Variants in TMEM123 observed in about 807,000 individuals in gnomAD.
TMEM123 encodes the protein transmembrane protein 123.
TMEM123 carries 16 observed loss-of-function variants against 19.7 expected under a neutral mutation model. The observed-to-expected ratio is 0.81, with a 90% confidence interval of 0.55 to 1.23. The LOEUF (loss-of-function observed/expected upper bound fraction) is 1.23. Ranked by LOEUF, TMEM123 falls within the 50% of genes most tolerant of loss-of-function variation. The pLI, the probability that TMEM123 is intolerant of heterozygous loss-of-function variation, is 0.00. For missense variants in TMEM123, 313 were observed against 257.8 expected (o/e 1.21, Z -1.47); for synonymous variants, 118 against 99.4 (o/e 1.19, Z -1.12).
intron 2 of TMEM123, among the ~76,000 whole-genome samples, chr11:102,435,170 T>A (rs1397244920): frequency 6.6e-6 from 1 of 151,924 alleles, no homozygotes; most frequent in African/African-American, 2.4e-5. Flanking sequence ...CAAGATTCCA[T>A]CTCTATAAAA....
rs1029775820 is a variant in TMEM123, at chr11:102,401,416, G to A, written c.602+123C>T. The stretch of plus-strand genomic sequence containing the variant: ...TACTTTGGGCCAAAAGGGTTAATGG[G>A]AATATAACTCATAAATCTATCAATT... On this transcript the variant is annotated intron_variant, in intron 4 of 4. Transcript: ENST00000398136. 3.8e-4 allele frequency: 341 copies of A among 901,258 alleles called. 3 individuals carry two copies. Among genetic ancestry groups the A allele is most frequent in the Non-Finnish European group, 5.0e-4 (319 of 636,710 alleles). 55.8% of individuals were successfully genotyped at this position (901,258 alleles called of 1,614,324 possible). A position where few individuals can be genotyped will look rare whatever the true frequency, so the allele number is the denominator to read the frequency against.
chr11:102,447,314 T>C (rs2135866987), intron 2 of TMEM123, among the ~76,000 whole-genome samples: 1 of 152,268 alleles, frequency 6.6e-6, no homozygotes, highest in Non-Finnish European at 1.5e-5. Context: ...CTTCAGACAG[T>C]GTGATAAAGA....
chr11:102,420,701 T>C (rs933650045), intron 2 of TMEM123, among the ~76,000 whole-genome samples: 2 of 152,090 alleles, frequency 1.3e-5, no homozygotes, highest in African/African-American at 2.4e-5. Flanking sequence ...GAAGCTTTGG[T>C]TAGGACAGAT....
intron 2 of TMEM123, among the ~76,000 whole-genome samples, chr11:102,434,439 G>C (rs559262836): frequency 7.2e-5 from 11 of 151,750 alleles, no homozygotes; most frequent in Admixed American, 2.0e-4. Context: ...TTTTAAATTG[G>C]ATTATTTATT....
intron 2 of TMEM123, among the ~76,000 whole-genome samples, chr11:102,417,983 T>C (rs976648883): frequency 6.6e-6 from 1 of 150,938 alleles, no homozygotes; most frequent in Non-Finnish European, 1.5e-5. Context: ...TCACCATATA[T>C]GAAAATCAAC....
chr11:102,437,475 ATT>A (rs199572275), intron 2 of TMEM123, among the ~76,000 whole-genome samples: 1 of 147,154 alleles, frequency 6.8e-6, no homozygotes, highest in East Asian at 2.0e-4. Context: ...AAAAAAAAAA[ATT>A]TTTTTTACGT....
chr11:102,402,342 T>A, intron 2 of TMEM123, 136 bp from the exon 3 acceptor site: 1 of 865,358 alleles, frequency 1.2e-6, no homozygotes, highest in Non-Finnish European at 1.7e-6. Context: ...CTTAGCCCAT[T>A]AATACTTTGC....
chr11:102,427,619 A>G (rs576160343), intron 2 of TMEM123, among the ~76,000 whole-genome samples: 1 of 151,720 alleles, frequency 6.6e-6, no homozygotes, highest in Non-Finnish European at 1.5e-5. Flanking sequence ...CAGGTGGATC[A>G]CGAGGTCAGC....
intron 2 of TMEM123, among the ~76,000 whole-genome samples, chr11:102,411,968 A>G (rs1952009250): frequency 6.6e-6 from 1 of 152,100 alleles, no homozygotes; most frequent in Non-Finnish European, 1.5e-5. Context: ...CTTCTGCCCC[A>G]GGAGGAAGAT....
At chr11:102,441,605 T>C (rs1485195306) in intron 2 of TMEM123, among the ~76,000 whole-genome samples, 3 of 151,930 alleles carry the variant, frequency 2.0e-5, no homozygotes, top group African/African-American at 7.3e-5. Flanking sequence ...AGATCTAAAA[T>C]TGACACCCTA....
chr11:102,397,357 G>A lies in TMEM123; in HGVS notation c.*1510C>T, dbSNP rs1056087500. On this transcript the variant is annotated 3_prime_UTR_variant, in exon 5 of 5. Transcript: ENST00000398136. The stretch of plus-strand genomic sequence containing the variant: ...ATTAGGACATCTGAGCTATTTTTAG[G>A]ACCTTCAGAAACTGGTGTGATTCAC... 28 of 152,116 alleles carry A rather than the reference G, an allele frequency of 1.8e-4. No homozygotes were observed. Among genetic ancestry groups the A allele is most frequent in the African/African-American group, 6.3e-4 (26 of 41,428 alleles). The allele number at this position is 152,116 out of a possible 1,614,324, so 9.4% of individuals were successfully genotyped here.
At chr11:102,451,621 C>T (rs776694571) in intron 1 of TMEM123, among the ~76,000 whole-genome samples, 1 of 152,198 alleles carries the variant, frequency 6.6e-6, no homozygotes, top group Non-Finnish European at 1.5e-5. Context: ...GTTTACTGAC[C>T]ATTACCTAGG....
chr11:102,424,927 A>C (rs1237516072), intron 2 of TMEM123, among the ~76,000 whole-genome samples: 1 of 152,152 alleles, frequency 6.6e-6, no homozygotes, highest in Non-Finnish European at 1.5e-5. Flanking sequence ...TCAGAAGCAC[A>C]CTCTTGGTCA....
In TMEM123 at chr11:102,444,007, C is replaced by T. The variant is rs898872437; in HGVS notation, c.157+4805G>A. On this transcript the variant is annotated intron_variant, in intron 2 of 4. Coordinates refer to ENST00000398136, the MANE Select transcript of TMEM123 (RefSeq NM_052932.3). ...AAAACCACAACGAGATACCATCTCA[C>T]AGCAGTTACAATGGCAATCATTTAA... Among the ~76,000 whole-genome samples the T allele has an allele frequency of 3.9e-5, 6 of 152,174 alleles. No individual in the cohort carries two copies. The East Asian group carries it at 1.2e-3, about 29-fold the overall frequency.
At chr11:102,411,136 C>T (rs1036016061) in intron 2 of TMEM123, among the ~76,000 whole-genome samples, 1 of 152,070 alleles carries the variant, frequency 6.6e-6, no homozygotes, top group Admixed American at 6.6e-5. Context: ...CACAGATAGC[C>T]TCAGGATGGG....
intron 2 of TMEM123, among the ~76,000 whole-genome samples, chr11:102,413,412 C>G (rs1266453068): frequency 6.6e-6 from 1 of 152,214 alleles, no homozygotes; most frequent in African/African-American, 2.4e-5. Flanking sequence ...ACCACCCCAT[C>G]ACCACTGGCA....
intron 2 of TMEM123, among the ~76,000 whole-genome samples, chr11:102,413,832 C>A (rs959833181): frequency 5.3e-5 from 8 of 152,220 alleles, no homozygotes; most frequent in Non-Finnish European, 5.9e-5. Context: ...AAGAACCATA[C>A]TGCCTCTCCA....
Position 102,452,652 on chromosome 11 carries a change from G to C in TMEM123, c.-29C>G, listed in dbSNP as rs774079282. ...TCCGAGGGCAGGATGCGGCAGCCTCGTGGGCTCCCAGCCGAGGTGGCGGCG... is the reference window on the plus strand; with the variant it reads ...TCCGAGGGCAGGATGCGGCAGCCTCCTGGGCTCCCAGCCGAGGTGGCGGCG... On this transcript the variant is annotated 5_prime_UTR_variant, in exon 1 of 5. Transcript: ENST00000398136. 3.7e-5 allele frequency: 53 copies of C among 1,449,430 alleles called. No individual in the cohort carries two copies. The highest frequency in any genetic ancestry group is 4.7e-5 in the Non-Finnish European group (51 of 1,094,032). The allele number at this position is 1,449,430 out of a possible 1,614,324, so 89.8% of individuals were successfully genotyped here.
intron 2 of TMEM123, among the ~76,000 whole-genome samples, chr11:102,411,089 T>C (rs1471947879): frequency 6.6e-6 from 1 of 152,152 alleles, no homozygotes; most frequent in Non-Finnish European, 1.5e-5. Context: ...TGCTCAAACC[T>C]GAGTTTTTGG....
Sources: gnomAD v4.1 joint callset for allele counts (sites outside exome capture counted in the v4.1 genomes callset) on GRCh38, gnomAD v4.1.1 for gene constraint, MANE v1.5 for transcripts, NCBI Gene and HGNC (gene_info 2026-07-23, HGNC 2026-07-21) for gene names.